Variants in SOX6 observed in about 807,000 individuals in gnomAD.
SOX6 encodes the protein transcription factor SOX-6.
A neutral mutation model predicts 97.8 loss-of-function variants in SOX6; 11 were observed. The ratio of observed to expected loss-of-function variants is 0.11; its 90% CI spans 0.07 to 0.19. The LOEUF is 0.19. Among genes scored for constraint, SOX6 ranks in the 10% least tolerant of loss-of-function variants. SOX6 has a pLI of 1.00. For missense variants in SOX6, 810 were observed against 1,039.5 expected (o/e 0.78, Z 3.04); for synonymous variants, 360 against 371.4 (o/e 0.97, Z 0.35).
chr11:16,256,775 C>A (rs1048604254), intron 3 of SOX6, among the ~76,000 whole-genome samples: 1 of 151,750 alleles, frequency 6.6e-6, no homozygotes, highest in African/African-American at 2.4e-5. Context: ...ATGAAACTGT[C>A]TTTGATCACA....
intron 2 of SOX6, among the ~76,000 whole-genome samples, chr11:16,340,248 T>A (rs921206817): frequency 6.6e-6 from 1 of 152,114 alleles, no homozygotes; most frequent in Non-Finnish European, 1.5e-5. Context: ...GATTAAGAAA[T>A]GCAAAATGGG....
intron 4 of SOX6, among the ~76,000 whole-genome samples, chr11:16,514,250 T>C (rs1041478472): frequency 6.9e-6 from 1 of 145,960 alleles, no homozygotes; most frequent in Non-Finnish European, 1.5e-5. Flanking sequence ...AAAAAAATAA[T>C]ACCACCATGT....
At chr11:16,198,702 C>T (rs775005292) in intron 4 of SOX6, among the ~76,000 whole-genome samples, 4 of 152,028 alleles carry the variant, frequency 2.6e-5, no homozygotes, top group Non-Finnish European at 4.4e-5. Context: ...TGAATTTAAA[C>T]GTAATACTTT....
At chr11:16,008,216 G>A (rs1450777491) in intron 13 of SOX6, among the ~76,000 whole-genome samples, 1 of 151,990 alleles carries the variant, frequency 6.6e-6, no homozygotes, top group Non-Finnish European at 1.5e-5. Context: ...TACATGTTCA[G>A]TACAGACACA....
chr11:16,179,703 CAT>C (rs1478056272), intron 6 of SOX6, among the ~76,000 whole-genome samples: 11 of 151,886 alleles, frequency 7.2e-5, no homozygotes, highest in South Asian at 2.1e-4. Context: ...AAAAAAGACA[CAT>C]GTGTATGAAT....
At chr11:16,524,739 T>C (rs1191620735) in intron 4 of SOX6, among the ~76,000 whole-genome samples, 1 of 152,200 alleles carries the variant, frequency 6.6e-6, no homozygotes, top group African/African-American at 2.4e-5. Flanking sequence ...AACCCCATTG[T>C]CTCAGCCCAA....
At chr11:16,192,727 A>G (rs1238029973) in intron 4 of SOX6, among the ~76,000 whole-genome samples, 1 of 152,220 alleles carries the variant, frequency 6.6e-6, no homozygotes, top group East Asian at 1.9e-4. Flanking sequence ...CAATTCTCTT[A>G]TTGATATAGC....
At chr11:16,543,465 C>T (rs1346104755) in intron 4 of SOX6, among the ~76,000 whole-genome samples, 1 of 151,590 alleles carries the variant, frequency 6.6e-6, no homozygotes, top group Non-Finnish European at 1.5e-5. Flanking sequence ...CCAGTGATGA[C>T]ATGAAAAATT....
Position 16,607,990 on chromosome 11 carries a change from G to A in SOX6, n.609+4091C>T, listed in dbSNP as rs902566925. Among the ~76,000 whole-genome samples, 11 of 152,184 alleles carry A rather than the reference G, an allele frequency of 7.2e-5. No homozygotes were observed. Among genetic ancestry groups the A allele is most frequent in the Admixed American group, 1.3e-4 (2 of 15,284 alleles). On this transcript the variant is annotated intron_variant and non_coding_transcript_variant, in intron 4 of 5. Coordinates refer to the SOX6 transcript ENST00000524520. The surrounding 1 kb of genome is among the most constrained non-coding windows in gnomAD (Gnocchi z 6.5). ...CGGCGAGACCAGAGGTTGGAACTGG[G>A]GAAAGCGCCTGGAAAGAGACGGTGA... is the stretch of plus-strand genomic sequence containing the variant.
chr11:16,160,330 G>A (rs1232098158), intron 6 of SOX6, among the ~76,000 whole-genome samples: 1 of 152,132 alleles, frequency 6.6e-6, no homozygotes, highest in African/African-American at 2.4e-5. Context: ...GGAGAGCCTG[G>A]GAAGGATATG....
At chr11:16,047,242 G>C (rs1024732430) in intron 11 of SOX6, among the ~76,000 whole-genome samples, 1 of 152,124 alleles carries the variant, frequency 6.6e-6, no homozygotes, top group Non-Finnish European at 1.5e-5. Flanking sequence ...CTGCAGGAAA[G>C]AGGGGGCGGA....
intron 3 of SOX6, among the ~76,000 whole-genome samples, chr11:16,670,249 A>AG (rs544320513): frequency 1.1e-4 from 16 of 152,208 alleles, no homozygotes; most frequent in Middle Eastern, 3.4e-3. Context: ...AAACAGATTG[A>AG]GGGTTATGCC....
At chr11:16,531,163 T>C (rs1449276428) in intron 4 of SOX6, among the ~76,000 whole-genome samples, 2 of 150,580 alleles carry the variant, frequency 1.3e-5, no homozygotes, top group Admixed American at 6.6e-5. Context: ...CTCATAGATA[T>C]ATATAGAGAG....
intron 3 of SOX6, among the ~76,000 whole-genome samples, chr11:16,280,014 C>T (rs911040420): frequency 6.6e-6 from 1 of 151,980 alleles, no homozygotes; most frequent in Non-Finnish European, 1.5e-5. Flanking sequence ...CATTTGAAAA[C>T]AAAGTTTTTC....
At chr11:16,105,540 C>T (rs1235934070) in intron 7 of SOX6, among the ~76,000 whole-genome samples, 2 of 151,948 alleles carry the variant, frequency 1.3e-5, no homozygotes, top group Admixed American at 6.6e-5. Flanking sequence ...TTAATTCTAG[C>T]CTGGACAACA....
chr11:16,563,017 T>C (rs955472434), intron 4 of SOX6, among the ~76,000 whole-genome samples: 2 of 152,032 alleles, frequency 1.3e-5, no homozygotes, highest in Non-Finnish European at 2.9e-5. Context: ...CAAAAATATA[T>C]GGATTTCAAG....
At position 16,146,431 on chromosome 11, in the gene SOX6, C is replaced by T. The variant is rs563092700; in HGVS notation, c.778-34508G>A. Among the ~76,000 whole-genome samples the T allele has an allele frequency of 2.5e-4, 38 of 152,264 alleles. 1 individual carries two copies. In the East Asian group the frequency reaches 4.8e-3, roughly 19 times the overall value. On this transcript the variant is annotated intron_variant, in intron 6 of 15. Transcript: ENST00000683767. ...AAAACCTAGGCAATACCATTCAGGA[C>T]ATAGGCATGGGCAAGGACTTCATGG...
intron 3 of SOX6, among the ~76,000 whole-genome samples, chr11:16,691,763 C>A (rs1848014996): frequency 6.6e-6 from 1 of 152,248 alleles, no homozygotes; most frequent in South Asian, 2.1e-4. Context: ...CACCACTGTA[C>A]TCCAGCCTAG....
intron 1 of SOX6, among the ~76,000 whole-genome samples, chr11:16,475,295 G>A (rs1369337197): frequency 6.6e-6 from 1 of 152,072 alleles, no homozygotes; most frequent in African/African-American, 2.4e-5. Context: ...TCACAACTTG[G>A]CTAACTGGTA....
Sources: gnomAD v4.1 joint callset for allele counts (sites outside exome capture counted in the v4.1 genomes callset) on GRCh38, gnomAD v4.1.1 for gene constraint, Gnocchi (gnomAD v3.1) non-coding constraint, MANE v1.5 for transcripts, NCBI Gene and HGNC (gene_info 2026-07-23, HGNC 2026-07-21) for gene names.